The following NLRP9 variants were observed in gnomAD, a reference collection of about 807,000 sequenced individuals.
The protein encoded by NLRP9 is NLR family pyrin domain containing 9.
In NLRP9, 88 loss-of-function variants were observed where a neutral mutation model predicts 83.1. That is an observed-to-expected ratio of 1.06 (90% CI 0.89 to 1.26). The LOEUF is 1.26. NLRP9 is among the 50% of genes most tolerant of loss of function. The pLI is 0.00. For synonymous variants in NLRP9, 521 were observed against 447.6 expected, an observed-to-expected ratio of 1.16 and a Z score of -2.07; for missense variants, 1,308 against 1,179.3, an observed-to-expected ratio of 1.11 and a Z score of -1.60.
chr19:55,732,889 C>G lies in NLRP9; in HGVS notation c.942G>C (p.Lys314Asn), dbSNP rs557372485. 6.2e-7 allele frequency: 1 copy of G among 1,613,964 alleles called. No individual in the cohort carries two copies. The highest frequency in any genetic ancestry group is 8.5e-7 in the Non-Finnish European group (1 of 1,180,000). ...KSYFSYFFGE[K>N]SKALKVFNFV... Reference sequence around the variant, plus strand: ...AATTGAAGACTTTCAGGGCTTTGCTCTTCTCACCAAAGAAGTAGGAGAAAT... The same window carrying G: ...AATTGAAGACTTTCAGGGCTTTGCTGTTCTCACCAAAGAAGTAGGAGAAAT... The change falls in exon 2 of 9, where the codon AAG (lysine) becomes AAC (asparagine). Residue 314 changes from lysine to asparagine, a missense_variant. Physicochemically the swap from Lys to Asn is moderately conservative, Grantham distance 94. Transcript: ENST00000332836.
At chr19:55,718,544 G>A (rs993451778) in intron 4 of NLRP9, among the ~76,000 whole-genome samples, 1 of 152,186 alleles carries the variant, frequency 6.6e-6, no homozygotes, top group Non-Finnish European at 1.5e-5. Flanking sequence ...ATGTTTGGAT[G>A]AAGAGAAACA....
In NLRP9 at chr19:55,738,109, T is replaced by A; in HGVS notation, c.266A>T (p.Gln89Leu). ...INRKDLWTKA[Q>L]EEMRNKLNPY... The stretch of plus-strand genomic sequence containing the variant: ...CCAGCACTTACTTCTCATCTCTTCC[T>A]GAGCCTTTGTCCAGAGATCTTTCCT... The change falls in exon 1 of 9, where the codon CAG becomes CTG. Residue 89 changes from glutamine to leucine, a missense_variant. Gln to Leu is a moderately radical substitution (Grantham distance 113). Transcript: ENST00000332836. The A allele has an allele frequency of 6.2e-7, 1 of 1,614,170 alleles. No individual in the cohort carries two copies. Among genetic ancestry groups the A allele is most frequent in the African/African-American group, 1.3e-5 (1 of 75,058 alleles).
chr19:55,723,988 T>C lies in NLRP9; in HGVS notation c.2151A>G (p.Glu717=), dbSNP rs1369816717. ...ETLKHPMCKI[E]ELILGKCDIS... ...GAACAGCCCGGACTTACATCAGCTC[T>C]TCTATCTTGCACATTGGATGTTTCA... Residue 717 remains glutamate, a synonymous_variant, in exon 4 of 9, where the codon GAA becomes GAG. Transcript: ENST00000332836. 1.2e-6 allele frequency: 2 copies of C among 1,612,938 alleles called. No individual in the cohort carries two copies. The highest frequency in any genetic ancestry group is 8.5e-7 in the Non-Finnish European group (1 of 1,179,516).
chr19:55,733,864 A>G (rs934918583), intron 1 of NLRP9, among the ~76,000 whole-genome samples: 5 of 150,612 alleles, frequency 3.3e-5, no homozygotes, highest in Non-Finnish European at 5.9e-5. Flanking sequence ...TAACCCAGAC[A>G]TTTCCTTTAT....
chr19:55,722,789 C>T (rs1213430712), intron 4 of NLRP9, among the ~76,000 whole-genome samples: 1 of 152,120 alleles, frequency 6.6e-6, no homozygotes, highest in Non-Finnish European at 1.5e-5. Context: ...AAATATGGTA[C>T]ATGTACACCA....
chr19:55,708,682 C>T lies in NLRP9; in HGVS notation c.*230G>A, dbSNP rs1987549424. The T allele has an allele frequency of 1.1e-5, 4 of 366,584 alleles. No individual in the cohort carries two copies. The highest frequency in any genetic ancestry group is 2.0e-5 in the Non-Finnish European group (4 of 204,752). The allele number at this position is 366,584 out of a possible 1,614,324, so 22.7% of individuals were successfully genotyped here. On this transcript the variant is annotated 3_prime_UTR_variant, in exon 9 of 9. Transcript: ENST00000332836. Reference sequence around the variant, plus strand: ...AACGTACTTGTGCTTCTAAATATCACAAGGCAGGATGGGATTTCTAAAGAC... The same window carrying T: ...AACGTACTTGTGCTTCTAAATATCATAAGGCAGGATGGGATTTCTAAAGAC...
intron 7 of NLRP9, 146 bp from the exon 8 acceptor site, chr19:55,712,116 G>C (rs1987757561): frequency 1.2e-6 from 1 of 814,542 alleles, no homozygotes; most frequent in Non-Finnish European, 1.9e-6. Context: ...TTGTGCTCCT[G>C]GGGGACGTAT....
intron 4 of NLRP9, among the ~76,000 whole-genome samples, chr19:55,717,866 C>T (rs116018716): frequency 1.2e-3 from 176 of 152,330 alleles, no homozygotes; most frequent in African/African-American, 3.9e-3. Flanking sequence ...CACATCCACA[C>T]GCCACGCCCC....
In NLRP9 at chr19:55,712,106, TTGTGCTCC is replaced by T; in HGVS notation, c.2673-144_2673-137del. 5.7e-6 allele frequency: 5 copies of T among 870,468 alleles called. No individual in the cohort carries two copies. In the South Asian group the frequency reaches 8.2e-5, roughly 14 times the overall value. The allele number at this position is 870,468 out of a possible 1,614,324, so 53.9% of individuals were successfully genotyped here. ...GACCCGGGCTTCTCAGCCAGGACGATTGTGCTCCTGGGGGACGTATGTCTAGTGACCTT... is the reference window on the plus strand; with the variant it reads ...GACCCGGGCTTCTCAGCCAGGACGATTGGGGGACGTATGTCTAGTGACCTT... On this transcript the variant is annotated intron_variant, in intron 7 of 8. Transcript: ENST00000332836.
chr19:55,715,962 A>C (rs1987993511), intron 5 of NLRP9, among the ~76,000 whole-genome samples: 1 of 152,246 alleles, frequency 6.6e-6, no homozygotes, highest in South Asian at 2.1e-4. Context: ...TAAGTGCTCT[A>C]GTCACAAAAA....
chr19:55,719,303 C>G (rs1988143626), intron 4 of NLRP9, among the ~76,000 whole-genome samples: 1 of 152,196 alleles, frequency 6.6e-6, no homozygotes, highest in Admixed American at 6.5e-5. Context: ...CAGGCACCTG[C>G]CACCACACCC....
chr19:55,713,610 CCCTCTCCCTCTTACTCCCCTCCTCCT>C (rs1568593453), intron 6 of NLRP9, among the ~76,000 whole-genome samples: 1 of 92,308 alleles, frequency 1.1e-5, no homozygotes, highest in Non-Finnish European at 2.4e-5. Context: ...CTCCCTCCTC[CCCTCTCCCTCTTACTCCCCTCCTCCT>C]CCTCTCCCCT....
intron 3 of NLRP9, among the ~76,000 whole-genome samples, chr19:55,724,496 C>T (rs1018121017): frequency 2.0e-5 from 3 of 152,050 alleles, no homozygotes; most frequent in African/African-American, 4.8e-5. Context: ...GTGATTAATG[C>T]CTCACATAAA....
rs1449569117 is a variant in NLRP9, at chr19:55,733,503, T to C, written c.328A>G (p.Ile110Val). 6.2e-7 allele frequency: 1 copy of C among 1,609,358 alleles called. No homozygotes were observed. Residue 110 changes from isoleucine to valine, a missense_variant, in exon 2 of 9, where the codon ATA becomes GTA. By Grantham distance (29) the Ile-to-Val change is conservative. Coordinates refer to ENST00000332836, the MANE Select transcript of NLRP9 (RefSeq NM_176820.4). ...RKHMKETFQL[I>V]WEKETCLHVP... ...TGAAGACAGGTTTCCTTCTCCCATA[T>C]GAGTTGAAATGTTTCCTTCATATGC...
At chr19:55,726,017 C>T (rs1988391206) in intron 3 of NLRP9, among the ~76,000 whole-genome samples, 1 of 151,298 alleles carries the variant, frequency 6.6e-6, no homozygotes, top group Non-Finnish European at 1.5e-5. Context: ...CAGAGCGAGA[C>T]TGTCTCAGAA....
intron 2 of NLRP9, among the ~76,000 whole-genome samples, chr19:55,730,564 A>G (rs1258526367): frequency 6.6e-6 from 1 of 152,228 alleles, no homozygotes; most frequent in Non-Finnish European, 1.5e-5. Flanking sequence ...ACATCATGGA[A>G]TACTATGCAG....
chr19:55,716,177 A>G (rs1988001666), intron 5 of NLRP9, among the ~76,000 whole-genome samples: 1 of 152,020 alleles, frequency 6.6e-6, no homozygotes, highest in Non-Finnish European at 1.5e-5. Context: ...GATTATAGTA[A>G]TCATTTTACA....
rs1453822307 is a variant in NLRP9 at position 55,709,019 on chromosome 19, C to A, written c.2869G>T (p.Glu957Ter). 6.3e-7 allele frequency: 1 copy of A among 1,577,818 alleles called. No individual in the cohort carries two copies. Among genetic ancestry groups the A allele is most frequent in the African/African-American group, 1.4e-5 (1 of 72,546 alleles). The change falls in exon 9 of 9, where the codon GAA (glutamate) becomes TAA (stop). Residue 957 changes from glutamate (E) to a stop codon, truncating the protein, a stop_gained. Coordinates refer to ENST00000332836, the MANE Select transcript of NLRP9 (RefSeq NM_176820.4). LOFTEE classifies it low-confidence loss of function (END_TRUNC). ...ACAGACATCAGGATCTTCTGAGTTT[C>A]TTCATCAAAGCCAGATTTGTGCAGC... ...LGLHKSGFDE[E>*]TQKILMSVEE... is the part of the protein sequence containing the mutation.
chr19:55,712,645 C>T (rs1470831192), intron 6 of NLRP9, 55 bp from the exon 7 acceptor site: 4 of 1,459,464 alleles, frequency 2.7e-6, no homozygotes, highest in Non-Finnish European at 3.8e-6. Flanking sequence ...ATCATAACAG[C>T]CCACCTTATT....
Sources: gnomAD v4.1 joint callset for allele counts (sites outside exome capture counted in the v4.1 genomes callset) on GRCh38, gnomAD v4.1.1 for gene constraint, MANE v1.5 for transcripts, NCBI Gene and HGNC (gene_info 2026-07-23, HGNC 2026-07-21) for gene names.